Variants in ASAP2 observed in about 807,000 individuals in gnomAD.
ASAP2 encodes the protein ArfGAP with SH3 domain, ankyrin repeat and PH domain 2, also known as arf-GAP with SH3 domain, ANK repeat and PH domain-containing protein 2.
ASAP2 carries 45 observed loss-of-function variants against 131.4 expected under a neutral mutation model. That is an observed-to-expected ratio of 0.34 (90% CI 0.27 to 0.44). ASAP2 has a LOEUF of 0.44. ASAP2 is among the 20% of genes least tolerant of loss of function. The pLI is 1.00. For synonymous variants in ASAP2, 510 were observed against 503.0 expected, an observed-to-expected ratio of 1.01 and a Z score of -0.19; for missense variants, 1,011 against 1,297.0, an observed-to-expected ratio of 0.78 and a Z score of 3.39.
In ASAP2 at chr2:9,400,745, A is replaced by C. The variant is rs763711331; in HGVS notation, c.2738A>C (p.Asp913Ala). 29 of 1,613,336 alleles carry C rather than the reference A, an allele frequency of 1.8e-5. No individual in the cohort carries two copies. The highest frequency in any genetic ancestry group is 2.5e-6 in the Non-Finnish European group (3 of 1,179,732). Residue 913 changes from aspartate to alanine, a missense_variant, in exon 26 of 28, where the codon GAT (aspartate) becomes GCT (alanine). Around this residue, in one of 2 missense-constraint regions of ASAP2, gnomAD observed 652 missense variants for 698.9 expected, o/e 0.93. Transcript: ENST00000281419. ...TNKGQPRGPV[D>A]LSATEALGPL... ...CTGCTTCATTTTTGCCCTACAGTGG[A>C]TCTCTCTGCAACGGAAGCTCTGGGT...
intron 24 of ASAP2, chr2:9,399,620 T>G (rs1572642890): frequency 8.9e-6 from 2 of 223,968 alleles, no homozygotes; most frequent in African/African-American, 2.3e-5. Context: ...TGACCCAGAG[T>G]GCTCGGACCC....
intron 16 of ASAP2, among the ~76,000 whole-genome samples, chr2:9,373,487 C>T (rs906925115): frequency 8.5e-5 from 13 of 152,244 alleles, no homozygotes; most frequent in Middle Eastern, 6.3e-3. Flanking sequence ...GCTGGCCCAT[C>T]TTCAAGGGAC....
chr2:9,393,444 C>A, intron 23 of ASAP2, 38 bp from the exon 24 acceptor site: 1 of 1,544,934 alleles, frequency 6.5e-7, no homozygotes, highest in Non-Finnish European at 8.8e-7. Flanking sequence ...GGAAGCCTGG[C>A]GGCTGACCCT....
At chr2:9,398,294 G>A (rs1020673790) in intron 24 of ASAP2, among the ~76,000 whole-genome samples, 1 of 151,654 alleles carries the variant, frequency 6.6e-6, no homozygotes, top group African/African-American at 2.4e-5. Flanking sequence ...AGGATTGCTT[G>A]AGACTAGGAG....
In ASAP2 at chr2:9,286,447, A is replaced by ATAT. The variant is rs1553304560; in HGVS notation, c.199+7058_199+7059insTAT. ...TTTTTTTTAAAAAAGGAAAAAAAAA[A>ATAT]ATATATATATATATACTGTATCTGA... On this transcript the variant is annotated intron_variant, in intron 2 of 27. Transcript: ENST00000281419. Among the ~76,000 whole-genome samples, 499 of 148,478 alleles carry ATAT rather than the reference A, an allele frequency of 3.4e-3. 1 individual carries two copies. Among genetic ancestry groups the ATAT allele is most frequent in the African/African-American group, 8.5e-3 (336 of 39,584 alleles).
At chr2:9,254,254 T>TATATATATATACATATACACACAC (rs1553297027) in intron 1 of ASAP2, among the ~76,000 whole-genome samples, 2 of 65,764 alleles carry the variant, frequency 3.0e-5, no homozygotes, top group Non-Finnish European at 5.7e-5. Flanking sequence ...TATATATATA[T>TATATATATATACATATACACACAC]ACACGTGTGT....
intron 2 of ASAP2, among the ~76,000 whole-genome samples, chr2:9,283,283 G>A (rs1486127744): frequency 6.6e-6 from 1 of 152,170 alleles, no homozygotes; most frequent in Non-Finnish European, 1.5e-5. Context: ...TCATCATGCT[G>A]GCTAGGCTGA....
intron 1 of ASAP2, among the ~76,000 whole-genome samples, chr2:9,238,137 C>A (rs1255668048): frequency 2.0e-5 from 3 of 152,178 alleles, no homozygotes; most frequent in Non-Finnish European, 2.9e-5. Flanking sequence ...TTAGCTGACC[C>A]GCTACCTACT....
At chr2:9,278,175 C>T (rs1183310396) in intron 1 of ASAP2, among the ~76,000 whole-genome samples, 8 of 152,150 alleles carry the variant, frequency 5.3e-5, no homozygotes, top group Non-Finnish European at 1.5e-5. Flanking sequence ...GCATCGCTAT[C>T]CCAGTTCACA....
intron 1 of ASAP2, among the ~76,000 whole-genome samples, chr2:9,234,669 G>A (rs78989801): frequency 1.3e-5 from 2 of 152,272 alleles, no homozygotes; most frequent in East Asian, 3.9e-4. Context: ...AGTAGGTAGA[G>A]CCAAGGTGAA....
chr2:9,232,066 TC>T lies in ASAP2; in HGVS notation c.126+24839del, dbSNP rs1663206333. ...AGCCAGAGCATTCAACAGCCTCTGC[TC>T]CCACTGAGGTCATGGTGATTGTCTT... On this transcript the variant is annotated intron_variant, in intron 1 of 27. Transcript: ENST00000281419. The surrounding 1 kb of genome is among the most constrained non-coding windows in gnomAD (Gnocchi z 4.1). Among the ~76,000 whole-genome samples, 1 of 152,228 alleles carries T rather than the reference TC, an allele frequency of 6.6e-6. No homozygotes were observed. The highest frequency in any genetic ancestry group is 2.4e-5 in the African/African-American group (1 of 41,460).
rs180684094 is a variant in ASAP2 at position 9,313,165 on chromosome 2, C to T, written c.346-5359C>T. The stretch of plus-strand genomic sequence containing the variant: ...AGGTCACACTCACTGCTGAAATGAA[C>T]GAAGAACGAAAGCAAGCCGACCAAG... On this transcript the variant is annotated intron_variant, in intron 3 of 27. Transcript: ENST00000281419. 4.6e-4 allele frequency among the ~76,000 whole-genome samples: 70 copies of T among 152,274 alleles called. 1 individual carries two copies. The highest frequency in any genetic ancestry group is 7.0e-4 in the African/African-American group (29 of 41,542).
Position 9,367,183 on chromosome 2 carries a change from G to A in ASAP2, c.1462-1242G>A, listed in dbSNP as rs140643421. On this transcript the variant is annotated intron_variant, in intron 15 of 27. Coordinates refer to ENST00000281419, the MANE Select transcript of ASAP2 (RefSeq NM_003887.3). Reference sequence around the variant, plus strand: ...GTAGCTGGGACTACAGGTGCACGCCGCCATGCCTGGCTAATTTCTTTTGTA... The same window carrying A: ...GTAGCTGGGACTACAGGTGCACGCCACCATGCCTGGCTAATTTCTTTTGTA... Among the ~76,000 whole-genome samples the A allele has an allele frequency of 4.1e-3, 623 of 151,766 alleles. 6 individuals carry two copies. The highest frequency in any genetic ancestry group is 0.014 in the African/African-American group (593 of 41,386).
At position 9,254,236 on chromosome 2, in the gene ASAP2, AATATATAT is replaced by A. The variant is rs34570938; in HGVS notation, c.127-25069_127-25062del. ...AAAAAAAAAAAAAAAAAAAAAAAAA[AATATATAT>A]ATATATATATACACGTGTGTGTGTA... is the stretch of plus-strand genomic sequence containing the variant. On this transcript the variant is annotated intron_variant, in intron 1 of 27. Transcript: ENST00000281419. Among the ~76,000 whole-genome samples, 52 of 47,110 alleles carry A rather than the reference AATATATAT, an allele frequency of 1.1e-3. 4 individuals are homozygous for A. Among genetic ancestry groups the A allele is most frequent in the African/African-American group, 3.2e-3 (23 of 7,236 alleles). 30.9% of individuals were successfully genotyped at this position (47,110 alleles called of 152,430 possible).
intron 1 of ASAP2, among the ~76,000 whole-genome samples, chr2:9,259,753 A>G (rs906027120): frequency 3.3e-5 from 5 of 152,182 alleles, no homozygotes; most frequent in African/African-American, 1.2e-4. Flanking sequence ...TTTAGCGCAG[A>G]GATCTTCAGA....
chr2:9,212,931 T>C (rs1661699704), intron 1 of ASAP2, among the ~76,000 whole-genome samples: 1 of 152,216 alleles, frequency 6.6e-6, no homozygotes. Context: ...CTGGAGTTGC[T>C]TGGGCGTTTG....
chr2:9,345,929 G>C (rs937702981), intron 11 of ASAP2, among the ~76,000 whole-genome samples: 1 of 151,980 alleles, frequency 6.6e-6, no homozygotes, highest in African/African-American at 2.4e-5. Context: ...TGCCAACTTC[G>C]ATTTAGAAAG....
rs1675559230 is a variant in ASAP2, at chr2:9,389,586, TC to T, written c.2383+1042del. Reference sequence around the variant, plus strand: ...GCTGCTGGGCCCATCTTCCCTGCCGTCCTGGGTGTCTCACAGACCCTCACAC... The same window carrying T: ...GCTGCTGGGCCCATCTTCCCTGCCGTCTGGGTGTCTCACAGACCCTCACAC... On this transcript the variant is annotated intron_variant, in intron 22 of 27. Transcript: ENST00000281419. This position sits in a 1 kb window ranked among gnomAD's most constrained non-coding sequence, Gnocchi z 4.7. Among the ~76,000 whole-genome samples the T allele has an allele frequency of 6.6e-6, 1 of 152,196 alleles. No individual in the cohort carries two copies. Among genetic ancestry groups the T allele is most frequent in the Non-Finnish European group, 1.5e-5 (1 of 68,028 alleles).
At chr2:9,390,449 T>G (rs1035229768) in intron 22 of ASAP2, among the ~76,000 whole-genome samples, 3 of 152,180 alleles carry the variant, frequency 2.0e-5, no homozygotes, top group Non-Finnish European at 4.4e-5. Flanking sequence ...CACCTGAGCT[T>G]GGAGGTTTGT....
Sources: allele counts gnomAD v4.1 joint callset (sites outside exome capture counted in the v4.1 genomes callset), GRCh38; gene constraint gnomAD v4.1.1; regional missense constraint gnomAD v4.1.1; non-coding constraint Gnocchi (gnomAD v3.1); transcripts MANE v1.5; gene names NCBI Gene and HGNC (gene_info 2026-07-23, HGNC 2026-07-21).